The following TENM3 variants were observed in gnomAD, a reference collection of about 807,000 sequenced individuals.
TENM3 encodes the protein teneurin-3.
TENM3 carries 63 observed loss-of-function variants against 255.1 expected under a neutral mutation model. The observed-to-expected ratio is 0.25, with a 90% CI of 0.20 to 0.30. The LOEUF (loss-of-function observed/expected upper bound fraction) is 0.30. TENM3 is among the 10% of genes least tolerant of loss of function. TENM3 has a pLI of 1.00. For missense variants in TENM3, 2,929 were observed against 3,461.1 expected, an observed-to-expected ratio of 0.85 and a Z score of 3.86; for synonymous variants, 1,306 against 1,322.3, an observed-to-expected ratio of 0.99 and a Z score of 0.27.
chr4:181,691,282 CATA>C, the TENM3 span, among the ~76,000 whole-genome samples: 87 of 151,212 alleles, frequency 5.8e-4, no homozygotes, highest in Non-Finnish European at 1.1e-3. Context: ...TATATGTGTG[CATA>C]ATAAGTGTGT....
At chr4:181,730,542 A>G in the TENM3 span, among the ~76,000 whole-genome samples, 1 of 152,166 alleles carries the variant, frequency 6.6e-6, no homozygotes, top group Non-Finnish European at 1.5e-5. Context: ...CTCTTAGATC[A>G]CAGCAGCCAT....
chr4:182,447,506 T>C (rs1234476652), intron 3 of TENM3, among the ~76,000 whole-genome samples: 1 of 152,190 alleles, frequency 6.6e-6, no homozygotes, highest in Non-Finnish European at 1.5e-5. Flanking sequence ...TGTTGAATCA[T>C]GGGAATGAGG....
chr4:181,974,000 C>T, the TENM3 span, among the ~76,000 whole-genome samples: 1 of 152,130 alleles, frequency 6.6e-6, no homozygotes, highest in African/African-American at 2.4e-5. Flanking sequence ...CCGGCCTACT[C>T]CCTGTGAAAG....
chr4:182,638,018 A>G (rs980667879), intron 5 of TENM3, among the ~76,000 whole-genome samples: 1 of 148,306 alleles, frequency 6.7e-6, no homozygotes, highest in Non-Finnish European at 1.5e-5. Context: ...AAATTTATCC[A>G]TGTGTTAGGG....
chr4:181,577,624 A>G, the TENM3 span, among the ~76,000 whole-genome samples: 1 of 152,092 alleles, frequency 6.6e-6, no homozygotes, highest in Non-Finnish European at 1.5e-5. Context: ...CTAATATCCT[A>G]TGCCACTCTG....
chr4:182,601,225 ACTTACATATT>A (rs1227743173), intron 4 of TENM3, 64 bp downstream of exon 4: 2 of 1,287,266 alleles, frequency 1.6e-6, no homozygotes, highest in Non-Finnish European at 2.2e-6. Context: ...AATTTACTAT[ACTTACATATT>A]CTGGTGTGGT....
At chr4:182,709,687 G>A (rs1021026698) in intron 12 of TENM3, among the ~76,000 whole-genome samples, 3 of 151,966 alleles carry the variant, frequency 2.0e-5, no homozygotes, top group Non-Finnish European at 4.4e-5. Flanking sequence ...TGGTATTTCA[G>A]AAAGTTTTTT....
intron 1 of TENM3, among the ~76,000 whole-genome samples, chr4:182,165,903 C>G (rs990643583): frequency 5.2e-4 from 79 of 152,140 alleles, no homozygotes; most frequent in African/African-American, 1.9e-3. Flanking sequence ...AGCTTCTCGA[C>G]GAGTAGCTGG....
chr4:181,784,248 T>C, the TENM3 span, among the ~76,000 whole-genome samples: 1 of 152,090 alleles, frequency 6.6e-6, no homozygotes, highest in African/African-American at 2.4e-5. Flanking sequence ...TTGTCGAATT[T>C]TTGTTTTTAT....
chr4:181,977,046 G>A, the TENM3 span, among the ~76,000 whole-genome samples: 171 of 152,274 alleles, frequency 1.1e-3, 1 homozygote, highest in Middle Eastern at 6.8e-3. Flanking sequence ...GAGCCAGCTC[G>A]AGCTAAGAGA....
intron 3 of TENM3, among the ~76,000 whole-genome samples, chr4:182,582,596 T>G (rs1033340201): frequency 4.6e-5 from 7 of 151,032 alleles, no homozygotes; most frequent in Admixed American, 3.3e-4. Flanking sequence ...ATTAAATTAC[T>G]TATAACCAAC....
intron 3 of TENM3, among the ~76,000 whole-genome samples, chr4:182,398,793 A>G (rs1769028722): frequency 6.6e-6 from 1 of 152,238 alleles, no homozygotes; most frequent in South Asian, 2.1e-4. Flanking sequence ...TTACAATAGC[A>G]CCAGAAAACA....
chr4:182,506,514 T>C (rs893514653), intron 3 of TENM3, among the ~76,000 whole-genome samples: 5 of 152,222 alleles, frequency 3.3e-5, no homozygotes, highest in African/African-American at 1.2e-4. Flanking sequence ...TTCTTTATTA[T>C]TTAATAAAAT....
At chr4:182,411,185 G>A (rs771963193) in intron 3 of TENM3, among the ~76,000 whole-genome samples, 7 of 152,164 alleles carry the variant, frequency 4.6e-5, no homozygotes, top group Non-Finnish European at 8.8e-5. Context: ...TCTCGAGCCC[G>A]GTGATGCCCT....
the TENM3 span, among the ~76,000 whole-genome samples, chr4:181,857,596 AAAAAC>A: frequency 8.1e-5 from 8 of 98,786 alleles, no homozygotes; most frequent in Middle Eastern, 9.2e-3. Context: ...CAAAAAAAAA[AAAAAC>A]AAACACATTA....
chr4:182,425,729 G>A (rs1302215143), intron 3 of TENM3, among the ~76,000 whole-genome samples: 1 of 152,144 alleles, frequency 6.6e-6, no homozygotes. Context: ...CTCAAAGTGG[G>A]CTGGGCATGA....
At chr4:181,757,504 G>A in the TENM3 span, among the ~76,000 whole-genome samples, 2 of 152,284 alleles carry the variant, frequency 1.3e-5, no homozygotes, top group Admixed American at 6.5e-5. Flanking sequence ...CTCTCCAAAT[G>A]TAATAGAAAC....
chr4:181,936,617 T>G, the TENM3 span, among the ~76,000 whole-genome samples: 1 of 152,004 alleles, frequency 6.6e-6, no homozygotes, highest in Non-Finnish European at 1.5e-5. Context: ...TCACCATGAG[T>G]AATAGTCTTA....
the TENM3 span, among the ~76,000 whole-genome samples, chr4:182,124,238 G>A: frequency 2.0e-5 from 3 of 152,050 alleles, no homozygotes; most frequent in East Asian, 5.8e-4. Flanking sequence ...TTTTAGTAGA[G>A]ATGGGGTTTC....
Sources: allele counts gnomAD v4.1 joint callset (sites outside exome capture counted in the v4.1 genomes callset), GRCh38; gene constraint gnomAD v4.1.1; transcripts MANE v1.5; gene names NCBI Gene and HGNC (gene_info 2026-07-23, HGNC 2026-07-21).